Variants in DSCAM observed in about 807,000 individuals in gnomAD.
DSCAM encodes the protein DS cell adhesion molecule, also known as cell adhesion molecule DSCAM.
In DSCAM, 47 loss-of-function variants were observed where a neutral mutation model predicts 217.7. That is an observed-to-expected ratio of 0.22 (90% CI 0.17 to 0.28). The LOEUF is 0.28. Among genes scored for constraint, DSCAM ranks in the 10% least tolerant of loss-of-function variants. DSCAM has a pLI of 1.00. For synonymous variants in DSCAM, 1,056 were observed against 1,015.3 expected (o/e 1.04, Z -0.76); for missense variants, 2,080 against 2,618.3 (o/e 0.79, Z 4.49).
At chr21:40,643,744 G>A (rs2089910557) in intron 3 of DSCAM, among the ~76,000 whole-genome samples, 1 of 152,118 alleles carries the variant, frequency 6.6e-6, no homozygotes, top group African/African-American at 2.4e-5. Flanking sequence ...AAGAAGGTTG[G>A]CCACACACAG....
chr21:40,616,368 C>G (rs1248325321), intron 3 of DSCAM, among the ~76,000 whole-genome samples: 1 of 152,174 alleles, frequency 6.6e-6, no homozygotes, highest in Non-Finnish European at 1.5e-5. Flanking sequence ...GCTGCCCAAG[C>G]TTATCTAGTT....
At chr21:40,360,154 CAG>C (rs1165276470) in intron 4 of DSCAM, among the ~76,000 whole-genome samples, 6 of 96,934 alleles carry the variant, frequency 6.2e-5, no homozygotes, top group African/African-American at 2.2e-4. Flanking sequence ...TTTTTTGAGA[CAG>C]AGTCTCGCTC....
chr21:40,491,865 T>C (rs1468182539), intron 3 of DSCAM, among the ~76,000 whole-genome samples: 1 of 152,184 alleles, frequency 6.6e-6, no homozygotes, highest in Non-Finnish European at 1.5e-5. Context: ...CCACTGACTA[T>C]TGCCAACCCC....
chr21:40,623,732 A>G (rs968419383), intron 3 of DSCAM, among the ~76,000 whole-genome samples: 9 of 152,222 alleles, frequency 5.9e-5, no homozygotes, highest in African/African-American at 1.2e-4. Context: ...TGATTTTTCC[A>G]TCTTCCTCAC....
intron 9 of DSCAM, among the ~76,000 whole-genome samples, chr21:40,300,572 T>C (rs181624830): frequency 6.6e-6 from 1 of 152,302 alleles, no homozygotes; most frequent in East Asian, 1.9e-4. Flanking sequence ...TTCTCAGAAG[T>C]CATGAGCCTT....
At chr21:40,103,785 T>TATATATGGTCATATGGTC (rs2089783418) in intron 20 of DSCAM, among the ~76,000 whole-genome samples, 1 of 150,660 alleles carries the variant, frequency 6.6e-6, no homozygotes, top group Non-Finnish European at 1.5e-5. Context: ...AAATATTTTA[T>TATATATGGTCATATGGTC]ATATGACCAT....
At chr21:40,022,935 A>G (rs1267785030) in intron 32 of DSCAM, among the ~76,000 whole-genome samples, 2 of 151,904 alleles carry the variant, frequency 1.3e-5, no homozygotes, top group Non-Finnish European at 1.5e-5. Flanking sequence ...GGTTAGTTAC[A>G]TATGTATACA....
intron 3 of DSCAM, among the ~76,000 whole-genome samples, chr21:40,612,098 T>C (rs2089323567): frequency 6.6e-6 from 1 of 152,226 alleles, no homozygotes; most frequent in African/African-American, 2.4e-5. Context: ...TGCTGGATTC[T>C]ATCTGAAAAG....
chr21:40,225,899 A>G (rs149094798), intron 11 of DSCAM, among the ~76,000 whole-genome samples: 1 of 152,324 alleles, frequency 6.6e-6, no homozygotes, highest in East Asian at 1.9e-4. Flanking sequence ...CCATTGACCA[A>G]GATCCCAGAA....
chr21:40,132,988 G>A (rs1217035233), intron 19 of DSCAM, among the ~76,000 whole-genome samples: 1 of 152,176 alleles, frequency 6.6e-6, no homozygotes, highest in South Asian at 2.1e-4. Context: ...AAAAGTTGCA[G>A]AGACAATCCA....
At chr21:40,766,692 C>CCT (rs1331315836) in intron 1 of DSCAM, among the ~76,000 whole-genome samples, 3 of 92,602 alleles carry the variant, frequency 3.2e-5, no homozygotes, top group African/African-American at 8.8e-5. Flanking sequence ...AAAAAAACAA[C>CCT]TTTTTTTTTT....
At chr21:40,657,926 A>G (rs1218861895) in intron 3 of DSCAM, among the ~76,000 whole-genome samples, 1 of 152,218 alleles carries the variant, frequency 6.6e-6, no homozygotes, top group African/African-American at 2.4e-5. Context: ...CCTGTTTACA[A>G]AAGTAAATAA....
At chr21:40,243,367 A>G (rs1388714071) in intron 11 of DSCAM, among the ~76,000 whole-genome samples, 2 of 152,216 alleles carry the variant, frequency 1.3e-5, no homozygotes, top group African/African-American at 4.8e-5. Context: ...AAAAGCACAG[A>G]CTGTCTTCTT....
chr21:40,576,379 G>A (rs2076850614), intron 3 of DSCAM, among the ~76,000 whole-genome samples: 1 of 152,158 alleles, frequency 6.6e-6, no homozygotes, highest in Non-Finnish European at 1.5e-5. Flanking sequence ...AATCAGAAAG[G>A]ATTGCATCTG....
intron 32 of DSCAM, among the ~76,000 whole-genome samples, chr21:40,022,124 G>A (rs1458425133): frequency 6.6e-6 from 1 of 152,168 alleles, no homozygotes; most frequent in African/African-American, 2.4e-5. Flanking sequence ...TCTTGCTATG[G>A]TTCTTGCTAT....
rs116649569 is a variant in DSCAM at position 40,552,573 on chromosome 21, A to G, written c.508+140237T>C. 6.4e-3 allele frequency among the ~76,000 whole-genome samples: 968 copies of G among 152,308 alleles called. 17 individuals are homozygous for G. Among genetic ancestry groups the G allele is most frequent in the African/African-American group, 0.022 (921 of 41,562 alleles). Reference sequence around the variant, plus strand: ...TCTTCTATGTGTTAGAAATGTTTCTATCTTCTTCACCAATCACCTATTCTA... The same window carrying G: ...TCTTCTATGTGTTAGAAATGTTTCTGTCTTCTTCACCAATCACCTATTCTA... On this transcript the variant is annotated intron_variant, in intron 3 of 32. Coordinates refer to ENST00000400454, the MANE Select transcript of DSCAM (RefSeq NM_001389.5).
At chr21:40,826,445 G>C (rs976408873) in intron 1 of DSCAM, among the ~76,000 whole-genome samples, 4 of 152,224 alleles carry the variant, frequency 2.6e-5, no homozygotes, top group Non-Finnish European at 5.9e-5. Flanking sequence ...TGGGGATGAA[G>C]GGAGAGGCTT....
intron 3 of DSCAM, among the ~76,000 whole-genome samples, chr21:40,602,919 C>T (rs758392267): frequency 6.6e-5 from 10 of 151,816 alleles, no homozygotes; most frequent in Non-Finnish European, 1.3e-4. Flanking sequence ...GTGGAAGCTT[C>T]GACTATTGAT....
chr21:40,055,776 T>G lies in DSCAM; in HGVS notation c.4984A>C (p.Ile1662Leu). The change falls in exon 29 of 33, where the codon ATA becomes CTA. Residue 1662 changes from isoleucine to leucine, a missense_variant. Ile to Leu is a conservative substitution (Grantham distance 5). This residue lies in a region of DSCAM where 1,144 missense variants were observed against 1,421.1 expected (regional missense o/e 0.81). Transcript: ENST00000400454. ...TCAATCAAAAGCTGAGCCCTGGGTA[T>G]GTCGATGTGCATTCGCAGGGTCTGC... The part of the protein sequence containing the change: ...QQQTLRMHID[I>L]PRAQLLIEER... The G allele has an allele frequency of 6.2e-7, 1 of 1,613,992 alleles. No homozygotes were observed. Among genetic ancestry groups the G allele is most frequent in the East Asian group, 2.2e-5 (1 of 44,882 alleles).
Sources: allele counts gnomAD v4.1 joint callset (sites outside exome capture counted in the v4.1 genomes callset), GRCh38; gene constraint gnomAD v4.1.1; regional missense constraint gnomAD v4.1.1; transcripts MANE v1.5; gene names NCBI Gene and HGNC (gene_info 2026-07-23, HGNC 2026-07-21).